MIX23: variants seen among roughly 807,000 people sequenced by gnomAD.
The protein encoded by MIX23 is mitochondrial matrix import factor 23.
In MIX23, 13 loss-of-function variants were observed where a neutral mutation model predicts 21.6. The observed-to-expected ratio is 0.60, with a 90% CI of 0.39 to 0.96. The LOEUF (loss-of-function observed/expected upper bound fraction) is 0.96. Among genes scored for constraint, MIX23 ranks in the 40% least tolerant of loss-of-function variants. MIX23 has a pLI of 0.00. For synonymous variants in MIX23, 59 were observed against 58.0 expected (o/e 1.02, Z -0.08); for missense variants, 144 against 171.2 (o/e 0.84, Z 0.89).
At chr3:122,380,381 A>G (rs1237763533) in intron 1 of MIX23, among the ~76,000 whole-genome samples, 2 of 152,152 alleles carry the variant, frequency 1.3e-5, no homozygotes, top group African/African-American at 4.8e-5. Flanking sequence ...CTTGTCTACA[A>G]CTGCCAGAGT....
intron 1 of MIX23, among the ~76,000 whole-genome samples, chr3:122,375,981 G>C (rs2075483255): frequency 6.6e-6 from 1 of 151,916 alleles, no homozygotes. Flanking sequence ...GACCAACATG[G>C]TGAAACCCCA....
At chr3:122,381,742 AAAAG>A (rs1417294071) in intron 1 of MIX23, among the ~76,000 whole-genome samples, 1 of 151,934 alleles carries the variant, frequency 6.6e-6, no homozygotes, top group Non-Finnish European at 1.5e-5. Flanking sequence ...AAAAAAAAAA[AAAAG>A]AAGAGGAGGA....
chr3:122,379,626 ATACATAGAAGACACCCC>A (rs1196979568), intron 1 of MIX23, among the ~76,000 whole-genome samples: 4 of 152,222 alleles, frequency 2.6e-5, no homozygotes, highest in Non-Finnish European at 1.5e-5. Context: ...CACCAAGAAA[ATACATAGAAGACACCCC>A]TGAACAGAAC....
intron 4 of MIX23, among the ~76,000 whole-genome samples, chr3:122,360,124 G>C (rs1024811807): frequency 1.3e-5 from 2 of 152,010 alleles, no homozygotes; most frequent in Admixed American, 6.6e-5. Context: ...CCATTTACAA[G>C]ACAATTCTAG....
At chr3:122,365,514 C>T (rs2075390050) in intron 3 of MIX23, 1 of 152,158 alleles carries the variant, frequency 6.6e-6, no homozygotes, top group African/African-American at 2.4e-5. Context: ...TGCTTATGTA[C>T]TACCCCATGG....
intron 1 of MIX23, among the ~76,000 whole-genome samples, chr3:122,372,512 A>C (rs2075449666): frequency 6.6e-6 from 1 of 152,124 alleles, no homozygotes; most frequent in African/African-American, 2.4e-5. Context: ...ACAACAAAAC[A>C]CAGCCACTTA....
At position 122,359,627 on chromosome 3, in the gene MIX23, AATTT is replaced by A. The variant is rs2075342005; in HGVS notation, c.*238_*241del. The stretch of plus-strand genomic sequence containing the variant: ...AGAAAATTATTTTAATAGTTACAAA[AATTT>A]TTTTTTTTTTTTTTTACAGAATCAG... On this transcript the variant is annotated 3_prime_UTR_variant, in exon 5 of 5. Transcript: ENST00000291458. The A allele has an allele frequency of 7.5e-5, 19 of 254,490 alleles. No homozygotes were observed. The highest frequency in any genetic ancestry group is 1.1e-3 in the Middle Eastern group (1 of 872). 15.8% of individuals were successfully genotyped at this position (254,490 alleles called of 1,614,324 possible).
rs1386369265 is a variant in MIX23 at position 122,370,175 on chromosome 3, GGCATGTTGGCTCACGCCTGTAATCCCA to G, written c.177+1473_177+1499del. Among the ~76,000 whole-genome samples the G allele has an allele frequency of 2.6e-5, 4 of 152,270 alleles. No individual in the cohort carries two copies. In the East Asian group the frequency reaches 7.7e-4, roughly 29 times the overall value. On this transcript the variant is annotated intron_variant, in intron 2 of 4. Transcript: ENST00000291458. ...ATATTAAAACTGAGGCAGACAGCCGGGCATGTTGGCTCACGCCTGTAATCCCAGCACTCTGGGAGGCCAAGGCGGGTG... is the reference window on the plus strand; with the variant it reads ...ATATTAAAACTGAGGCAGACAGCCGGGCACTCTGGGAGGCCAAGGCGGGTG...
intron 2 of MIX23, among the ~76,000 whole-genome samples, chr3:122,370,358 G>A (rs1289856369): frequency 6.6e-6 from 1 of 150,478 alleles, no homozygotes; most frequent in Non-Finnish European, 1.5e-5. Context: ...TTGGGAGGCT[G>A]AGGTGCAAGA....
intron 1 of MIX23, among the ~76,000 whole-genome samples, chr3:122,378,426 T>G (rs1041095984): frequency 6.6e-6 from 1 of 152,260 alleles, no homozygotes; most frequent in Admixed American, 6.5e-5. Flanking sequence ...CAAATAGTCA[T>G]GTAGTGCTTA....
At chr3:122,360,328 G>C (rs2075348544) in intron 4 of MIX23, among the ~76,000 whole-genome samples, 1 of 152,022 alleles carries the variant, frequency 6.6e-6, no homozygotes, top group African/African-American at 2.4e-5. Flanking sequence ...AATTTGGTAT[G>C]GTTATTCAAT....
At chr3:122,360,402 G>A (rs1158792912) in intron 4 of MIX23, among the ~76,000 whole-genome samples, 3 of 151,808 alleles carry the variant, frequency 2.0e-5, no homozygotes, top group Non-Finnish European at 2.9e-5. Context: ...AGATTATCAA[G>A]GGAAAAAAAA....
At chr3:122,364,499 T>TCA (rs2075381954) in intron 3 of MIX23, among the ~76,000 whole-genome samples, 3 of 152,208 alleles carry the variant, frequency 2.0e-5, no homozygotes, top group African/African-American at 7.2e-5. Context: ...TTTAAAGGGA[T>TCA]ACTATGTAGA....
In MIX23 at chr3:122,364,421, A is replaced by G. The variant is rs138733337; in HGVS notation, c.325-1394T>C. On this transcript the variant is annotated intron_variant, in intron 3 of 4. Transcript: ENST00000291458. Reference sequence around the variant, plus strand: ...CTGACAAAGCCTGGACTGACTGCCAAAGAAATAATTTCAGTTGAAGAACAG... The same window carrying G: ...CTGACAAAGCCTGGACTGACTGCCAGAGAAATAATTTCAGTTGAAGAACAG... Among the ~76,000 whole-genome samples, 1,387 of 152,328 alleles carry G rather than the reference A, an allele frequency of 9.1e-3. 25 individuals are homozygous for G. The highest frequency in any genetic ancestry group is 9.0e-3 in the Non-Finnish European group (611 of 68,030).
In MIX23 at chr3:122,368,372, C is replaced by T. The variant is rs201682509; in HGVS notation, c.178-50G>A. ...AGAAAAAAAAACTGCATAAATTTATCACATTTTAGTGTTTTTCAAAAAAAT... is the reference window on the plus strand; with the variant it reads ...AGAAAAAAAAACTGCATAAATTTATTACATTTTAGTGTTTTTCAAAAAAAT... On this transcript the variant is annotated intron_variant, in intron 2 of 4. Coordinates refer to ENST00000291458, the MANE Select transcript of MIX23 (RefSeq NM_001017928.4). 4 of 1,506,514 alleles carry T rather than the reference C, an allele frequency of 2.7e-6. No individual in the cohort carries two copies. In the East Asian group the frequency reaches 9.4e-5, roughly 35 times the overall value. 93.3% of individuals were successfully genotyped at this position (1,506,514 alleles called of 1,614,324 possible). A position where few individuals can be genotyped will look rare whatever the true frequency, so the allele number is the denominator to read the frequency against.
chr3:122,378,765 A>T (rs1474182083), intron 1 of MIX23, among the ~76,000 whole-genome samples: 6 of 152,200 alleles, frequency 3.9e-5, no homozygotes, highest in Non-Finnish European at 8.8e-5. Context: ...ATGACTCTGT[A>T]TCAATTTTTC....
At chr3:122,368,599 A>C (rs981453532) in intron 2 of MIX23, among the ~76,000 whole-genome samples, 2 of 151,934 alleles carry the variant, frequency 1.3e-5, no homozygotes, top group African/African-American at 4.8e-5. Flanking sequence ...TGCATTCCCC[A>C]AGCTGGGCTT....
At position 122,362,606 on chromosome 3, in the gene MIX23, C is replaced by T. The variant is rs554098093; in HGVS notation, c.384+362G>A. Among the ~76,000 whole-genome samples the T allele has an allele frequency of 1.3e-4, 20 of 152,010 alleles. No homozygotes were observed. In the East Asian group the frequency reaches 3.9e-3, roughly 29 times the overall value. Reference sequence around the variant, plus strand: ...GAGCGATTCTCCTGCCTCAGCCTCCCGAGTAGCTGGGATTACAGGCTCATG... The same window carrying T: ...GAGCGATTCTCCTGCCTCAGCCTCCTGAGTAGCTGGGATTACAGGCTCATG... On this transcript the variant is annotated intron_variant, in intron 4 of 4. Transcript: ENST00000291458.
chr3:122,383,052 G>A lies in MIX23; in HGVS notation c.51+122C>T, dbSNP rs560272777. ...CGCCCCCCATGACCTCCAATGGCTC[G>A]AGAAAAGAGCTTTGAATTGCCCGCT... On this transcript the variant is annotated intron_variant, in intron 1 of 4. Coordinates refer to ENST00000291458, the MANE Select transcript of MIX23 (RefSeq NM_001017928.4). The A allele has an allele frequency of 3.0e-6, 4 of 1,346,648 alleles. No individual in the cohort carries two copies. In the East Asian group the frequency reaches 6.9e-5, roughly 23 times the overall value. 83.4% of individuals were successfully genotyped at this position (1,346,648 alleles called of 1,614,324 possible).
Sources: allele counts gnomAD v4.1 joint callset (sites outside exome capture counted in the v4.1 genomes callset), GRCh38; gene constraint gnomAD v4.1.1; transcripts MANE v1.5; gene names NCBI Gene and HGNC (gene_info 2026-07-23, HGNC 2026-07-21).